The following TMEM178B variants were observed in gnomAD, a reference collection of about 807,000 sequenced individuals.
The protein encoded by TMEM178B is transmembrane protein 178B.
In TMEM178B, 5 loss-of-function variants were observed where a neutral mutation model predicts 31.0. The observed-to-expected ratio is 0.16, with a 90% CI of 0.08 to 0.34. The LOEUF is 0.34. Ranked by LOEUF, TMEM178B falls within the 10% of genes least tolerant of loss-of-function variation. The pLI, the probability that TMEM178B is intolerant of heterozygous loss-of-function variation, is 1.00. For synonymous variants in TMEM178B, 164 were observed against 164.0 expected (o/e 1.00, Z 0.00); for missense variants, 275 against 400.3 (o/e 0.69, Z 2.67).
At chr7:141,332,501 T>C (rs2116492793) in intron 2 of TMEM178B, among the ~76,000 whole-genome samples, 1 of 152,320 alleles carries the variant, frequency 6.6e-6, no homozygotes, top group East Asian at 1.9e-4. Context: ...TTTTACTTTT[T>C]TTTCCTCTGT....
At chr7:141,381,560 A>G (rs533229409) in intron 2 of TMEM178B, among the ~76,000 whole-genome samples, 3 of 152,292 alleles carry the variant, frequency 2.0e-5, no homozygotes, top group East Asian at 3.9e-4. Flanking sequence ...TTCTTTCCAG[A>G]TATCCCACCA....
intron 2 of TMEM178B, among the ~76,000 whole-genome samples, chr7:141,268,512 A>G (rs1199877719): frequency 6.6e-6 from 1 of 152,256 alleles, no homozygotes; most frequent in African/African-American, 2.4e-5. Flanking sequence ...AACCACAGAA[A>G]CAGTATCCAA....
At chr7:141,093,593 T>C (rs1794912644) in intron 1 of TMEM178B, among the ~76,000 whole-genome samples, 1 of 152,176 alleles carries the variant, frequency 6.6e-6, no homozygotes. Context: ...GAGGGATTGA[T>C]TGTAAACTTG....
intron 2 of TMEM178B, among the ~76,000 whole-genome samples, chr7:141,267,495 T>C (rs6464441): frequency 0.44 from 66,613 of 152,018 alleles, 14,831 homozygotes; most frequent in East Asian, 0.67. Flanking sequence ...CCCTCAGCCT[T>C]CTCTTCCTCT....
chr7:141,208,728 C>T (rs1244512355), intron 1 of TMEM178B, among the ~76,000 whole-genome samples: 1 of 152,162 alleles, frequency 6.6e-6, no homozygotes, highest in African/African-American at 2.4e-5. Flanking sequence ...CTCTGGCTGG[C>T]TGGGCTGCGG....
intron 2 of TMEM178B, among the ~76,000 whole-genome samples, chr7:141,396,398 G>GC (rs1356064170): frequency 6.6e-6 from 1 of 152,082 alleles, no homozygotes; most frequent in Non-Finnish European, 1.5e-5. Flanking sequence ...TCCCAAAGGC[G>GC]CCCCATACTT....
At position 141,480,300 on chromosome 7, in the gene TMEM178B, G is replaced by GA. The variant is rs1352231401; in HGVS notation, c.*9520dup. 3 of 152,116 alleles carry GA rather than the reference G, an allele frequency of 2.0e-5. No homozygotes were observed. Among genetic ancestry groups the GA allele is most frequent in the African/African-American group, 7.2e-5 (3 of 41,420 alleles). 9.4% of individuals were successfully genotyped at this position (152,116 alleles called of 1,614,324 possible). On this transcript the variant is annotated 3_prime_UTR_variant, in exon 4 of 4. Coordinates refer to ENST00000565468, the MANE Select transcript of TMEM178B (RefSeq NM_001195278.2). ...TAATTAATTAAATGACTTGTTCATGGAAAAAATAAATAATCTGTCAGTTGT... is the reference window on the plus strand; with the variant it reads ...TAATTAATTAAATGACTTGTTCATGGAAAAAAATAAATAATCTGTCAGTTGT...
chr7:141,292,543 C>G (rs1319644744), intron 2 of TMEM178B, among the ~76,000 whole-genome samples: 1 of 151,950 alleles, frequency 6.6e-6, no homozygotes, highest in Non-Finnish European at 1.5e-5. Flanking sequence ...AGCCCATGTT[C>G]TCGCATCACT....
At chr7:141,125,358 A>G (rs924660356) in intron 1 of TMEM178B, among the ~76,000 whole-genome samples, 1 of 152,236 alleles carries the variant, frequency 6.6e-6, no homozygotes, top group South Asian at 2.1e-4. Context: ...CCCAAACTGA[A>G]ACAACTCAGA....
intron 1 of TMEM178B, among the ~76,000 whole-genome samples, chr7:141,139,641 C>T (rs1795734846): frequency 6.6e-6 from 1 of 152,134 alleles, no homozygotes; most frequent in Non-Finnish European, 1.5e-5. Flanking sequence ...CACACTTGAG[C>T]CCCCATTTGC....
intron 1 of TMEM178B, among the ~76,000 whole-genome samples, chr7:141,204,233 C>T (rs557680713): frequency 6.6e-6 from 1 of 152,270 alleles, no homozygotes; most frequent in South Asian, 2.1e-4. Context: ...GAGGTTGAGC[C>T]AGTGACTACT....
chr7:141,220,283 A>T (rs1422421226), intron 2 of TMEM178B, among the ~76,000 whole-genome samples: 1 of 151,334 alleles, frequency 6.6e-6, no homozygotes, highest in Non-Finnish European at 1.5e-5. Context: ...GCTTTACTTC[A>T]GCCTGGGTGA....
chr7:141,287,715 C>G (rs1798469204), intron 2 of TMEM178B, among the ~76,000 whole-genome samples: 1 of 152,196 alleles, frequency 6.6e-6, no homozygotes, highest in African/African-American at 2.4e-5. Flanking sequence ...AGACATGGAC[C>G]TGTGAGCCCC....
intron 2 of TMEM178B, among the ~76,000 whole-genome samples, chr7:141,234,006 G>T (rs1563126398): frequency 6.6e-6 from 1 of 152,178 alleles, no homozygotes; most frequent in Non-Finnish European, 1.5e-5. Flanking sequence ...CAGGCATGGG[G>T]AGTTGGTCCC....
intron 3 of TMEM178B, among the ~76,000 whole-genome samples, chr7:141,462,783 TCA>T (rs898744345): frequency 1.3e-5 from 2 of 151,974 alleles, no homozygotes; most frequent in African/African-American, 4.8e-5. Context: ...TCTTTCACAC[TCA>T]CAGTGTGAAG....
chr7:141,178,319 T>C (rs1796465835), intron 1 of TMEM178B, among the ~76,000 whole-genome samples: 2 of 152,212 alleles, frequency 1.3e-5, no homozygotes, highest in African/African-American at 4.8e-5. Flanking sequence ...TTTGAAGAGA[T>C]TCTAGTGAAG....
chr7:141,246,722 G>C (rs1345255518), intron 2 of TMEM178B, among the ~76,000 whole-genome samples: 1 of 152,116 alleles, frequency 6.6e-6, no homozygotes, highest in African/African-American at 2.4e-5. Context: ...TGTAGGTGAA[G>C]AATTTGTGTT....
intron 2 of TMEM178B, among the ~76,000 whole-genome samples, chr7:141,399,219 G>A (rs920510915): frequency 6.6e-6 from 1 of 152,160 alleles, no homozygotes; most frequent in African/African-American, 2.4e-5. Context: ...TTATCTCAAA[G>A]CACGGCACAG....
intron 2 of TMEM178B, among the ~76,000 whole-genome samples, chr7:141,267,141 C>A (rs1798106458): frequency 6.6e-6 from 1 of 152,238 alleles, no homozygotes; most frequent in African/African-American, 2.4e-5. Flanking sequence ...CAGCTAAAAG[C>A]TTGTTGGCCC....
Sources: allele counts gnomAD v4.1 joint callset (sites outside exome capture counted in the v4.1 genomes callset), GRCh38; gene constraint gnomAD v4.1.1; transcripts MANE v1.5; gene names NCBI Gene and HGNC (gene_info 2026-07-23, HGNC 2026-07-21).